MAGI2: variants seen among roughly 807,000 people sequenced by gnomAD.
MAGI2 encodes the protein membrane-associated guanylate kinase, WW and PDZ domain-containing protein 2.
Under a neutral mutation model 133.3 loss-of-function variants are expected in MAGI2, and 35 were observed. The ratio of observed to expected loss-of-function variants is 0.26; its 90% CI spans 0.20 to 0.35. The LOEUF is 0.35. Among genes scored for constraint, MAGI2 ranks in the 10% least tolerant of loss-of-function variants. MAGI2 has a pLI of 1.00. For missense variants in MAGI2, 1,636 were observed against 1,863.4 expected (o/e 0.88, Z 2.25); for synonymous variants, 729 against 710.6 (o/e 1.03, Z -0.41).
chr7:78,969,528 A>G (rs1377465417), intron 2 of MAGI2, among the ~76,000 whole-genome samples: 1 of 152,196 alleles, frequency 6.6e-6, no homozygotes, highest in East Asian at 1.9e-4. Context: ...ATTCACGTCT[A>G]CAATATTTAG....
chr7:78,361,695 C>G lies in MAGI2; in HGVS notation c.1103+7461G>C, dbSNP rs1792827746. ...AACTTCTGGGTGCCTAAAACATTCT[C>G]TATGTGGAACCAGAAGATTTGTTAA... is the stretch of plus-strand genomic sequence containing the variant. On this transcript the variant is annotated intron_variant, in intron 7 of 21. Transcript: ENST00000354212. Among the ~76,000 whole-genome samples the G allele has an allele frequency of 2.0e-5, 3 of 152,146 alleles. No homozygotes were observed. In the South Asian group the frequency reaches 6.2e-4, roughly 31 times the overall value.
At chr7:79,168,889 G>GATAGATAGAT (rs1396243710) in intron 1 of MAGI2, among the ~76,000 whole-genome samples, 2 of 14,628 alleles carry the variant, frequency 1.4e-4, no homozygotes, top group Admixed American at 8.0e-4. Context: ...TCTAAAGATA[G>GATAGATAGAT]ATATATATAT....
rs147128047 is a variant in MAGI2 at position 79,170,954 on chromosome 7, G to A, written c.302-163748C>T. Among the ~76,000 whole-genome samples, 261 of 152,160 alleles carry A rather than the reference G, an allele frequency of 1.7e-3. 2 individuals carry two copies. The highest frequency in any genetic ancestry group is 6.0e-3 in the African/African-American group (251 of 41,510). On this transcript the variant is annotated intron_variant, in intron 1 of 21. Coordinates refer to ENST00000354212, the MANE Select transcript of MAGI2 (RefSeq NM_012301.4). The stretch of plus-strand genomic sequence containing the variant: ...TTGATTTTACAAAACAGTTACCTAA[G>A]ATTCTTTTTATTGGGCAGTCATTCA...
At chr7:78,715,646 G>T (rs1406369562) in intron 2 of MAGI2, among the ~76,000 whole-genome samples, 3 of 152,122 alleles carry the variant, frequency 2.0e-5, no homozygotes, top group African/African-American at 7.2e-5. Flanking sequence ...GCATAGAAGG[G>T]TGAAGATACC....
intron 20 of MAGI2, among the ~76,000 whole-genome samples, chr7:78,081,335 T>C (rs1369432370): frequency 1.4e-4 from 21 of 152,200 alleles, no homozygotes; most frequent in Admixed American, 1.4e-3. Context: ...ACTGGGGATA[T>C]AGAGAGAAAT....
intron 2 of MAGI2, among the ~76,000 whole-genome samples, chr7:78,929,196 A>G (rs1799931391): frequency 6.6e-6 from 1 of 152,122 alleles, no homozygotes; most frequent in Non-Finnish European, 1.5e-5. Context: ...GATGCAACTA[A>G]AAGTAGTACA....
intron 3 of MAGI2, among the ~76,000 whole-genome samples, chr7:78,530,343 C>G (rs1797357786): frequency 6.6e-6 from 1 of 152,192 alleles, no homozygotes; most frequent in Non-Finnish European, 1.5e-5. Flanking sequence ...CATTCTGCTT[C>G]CTACTCATCC....
chr7:78,554,815 C>T (rs1799641778), intron 3 of MAGI2: 1 of 152,164 alleles, frequency 6.6e-6, no homozygotes, highest in South Asian at 2.1e-4. Flanking sequence ...TTCCACGACT[C>T]TCCCATTTCC....
At chr7:79,068,380 G>C (rs1814594108) in intron 1 of MAGI2, among the ~76,000 whole-genome samples, 1 of 152,124 alleles carries the variant, frequency 6.6e-6, no homozygotes. Context: ...AGATTTTCTA[G>C]TTTATTTGCA....
chr7:79,247,174 G>A (rs569573305), intron 1 of MAGI2, among the ~76,000 whole-genome samples: 81 of 152,158 alleles, frequency 5.3e-4, no homozygotes, highest in African/African-American at 1.8e-3. Context: ...GAAAGAAAAG[G>A]ACATTAATGA....
chr7:79,142,026 T>C (rs1247258641), intron 1 of MAGI2, among the ~76,000 whole-genome samples: 1 of 152,194 alleles, frequency 6.6e-6, no homozygotes, highest in Non-Finnish European at 1.5e-5. Flanking sequence ...CAAATGTTGG[T>C]TGGGTACAAT....
At chr7:78,546,360 A>G (rs2215936) in intron 3 of MAGI2, among the ~76,000 whole-genome samples, 31,886 of 151,908 alleles carry the variant, frequency 0.21, 6,478 homozygotes, top group African/African-American at 0.54. Flanking sequence ...ATCGTTAGGT[A>G]GCATACCAGA....
chr7:78,742,734 C>G (rs1484397309), intron 2 of MAGI2, among the ~76,000 whole-genome samples: 1 of 152,214 alleles, frequency 6.6e-6, no homozygotes, highest in African/African-American at 2.4e-5. Context: ...TTCCCTTCCT[C>G]TTAAATTTGT....
intron 6 of MAGI2, among the ~76,000 whole-genome samples, chr7:78,374,413 G>GT (rs1447613289): frequency 6.6e-6 from 1 of 151,976 alleles, no homozygotes; most frequent in Non-Finnish European, 1.5e-5. Flanking sequence ...AAAGTTATTT[G>GT]TTTTTTGCTT....
intron 2 of MAGI2, among the ~76,000 whole-genome samples, chr7:78,639,674 G>A (rs866707931): frequency 1.3e-5 from 2 of 151,864 alleles, no homozygotes; most frequent in Admixed American, 6.6e-5. Flanking sequence ...AAATATACTC[G>A]GCTATAGCTG....
At chr7:78,151,806 G>A (rs1823899815) in intron 16 of MAGI2, among the ~76,000 whole-genome samples, 1 of 152,024 alleles carries the variant, frequency 6.6e-6, no homozygotes, top group Admixed American at 6.6e-5. Context: ...AATATGTCAC[G>A]CTACCTTTGC....
intron 6 of MAGI2, among the ~76,000 whole-genome samples, chr7:78,426,936 C>G (rs570928202): frequency 1.3e-5 from 2 of 152,190 alleles, no homozygotes; most frequent in South Asian, 2.1e-4. Flanking sequence ...TTTATATGTA[C>G]GCACGTGTAA....
intron 2 of MAGI2, among the ~76,000 whole-genome samples, chr7:78,740,534 A>G (rs1406149965): frequency 6.6e-6 from 1 of 152,208 alleles, no homozygotes; most frequent in Non-Finnish European, 1.5e-5. Context: ...TTGTCTCATT[A>G]AATAACAGCA....
Position 78,205,641 on chromosome 7 carries a change from T to A in MAGI2, c.2048-4448A>T, listed in dbSNP as rs367804499. On this transcript the variant is annotated intron_variant, in intron 10 of 21. Coordinates refer to ENST00000354212, the MANE Select transcript of MAGI2 (RefSeq NM_012301.4). ...CTATTCATATTAAAATTATTCATTG[T>A]TTGAAATTCAATTTAATTAGGAATT... Among the ~76,000 whole-genome samples, 61 of 152,344 alleles carry A rather than the reference T, an allele frequency of 4.0e-4. No individual in the cohort carries two copies. The South Asian group carries it at 0.012, about 30-fold the overall frequency.
Sources: gnomAD v4.1 joint callset for allele counts (sites outside exome capture counted in the v4.1 genomes callset) on GRCh38, gnomAD v4.1.1 for gene constraint, MANE v1.5 for transcripts, NCBI Gene and HGNC (gene_info 2026-07-23, HGNC 2026-07-21) for gene names.